The following UNC13B variants were observed in gnomAD, a reference collection of about 807,000 sequenced individuals.
UNC13B encodes protein unc-13 homolog B.
Under a neutral mutation model 211.0 loss-of-function variants are expected in UNC13B, and 144 were observed. The ratio of observed to expected loss-of-function variants is 0.68; its 90% CI spans 0.60 to 0.78. The LOEUF is 0.78. UNC13B is among the 30% of genes least tolerant of loss of function. UNC13B has a pLI of 0.00. For missense variants in UNC13B, 1,777 were observed against 2,002.0 expected, an observed-to-expected ratio of 0.89 and a Z score of 2.14; for synonymous variants, 709 against 725.8, an observed-to-expected ratio of 0.98 and a Z score of 0.37.
intron 25 of UNC13B, 118 bp from the exon 26 acceptor site, chr9:35,390,511 C>G (rs1178182968): frequency 4.8e-5 from 55 of 1,148,388 alleles, no homozygotes; most frequent in Admixed American, 2.6e-4. Context: ...TAGCCCTGTT[C>G]CCTAAGCATC....
chr9:35,342,017 T>A (rs1832027828), intron 11 of UNC13B: 1 of 985,482 alleles, frequency 1.0e-6, no homozygotes, highest in Non-Finnish European at 1.2e-6. Flanking sequence ...CCAGGTTAGA[T>A]TTCTACGTTT....
At position 35,385,359 on chromosome 9, in the gene UNC13B, T is replaced by A. The variant is rs1296813574; in HGVS notation, c.10876-365T>A. The A allele has an allele frequency of 3.0e-6, 3 of 985,346 alleles. No homozygotes were observed. In the African/African-American group the frequency reaches 5.2e-5, roughly 17 times the overall value. The allele number at this position is 985,346 out of a possible 1,614,324, so 61.0% of individuals were successfully genotyped here. On this transcript the variant is annotated intron_variant, in intron 22 of 39. Transcript: ENST00000635942. ...TATTCCAGGATATACAGTTAGATTG[T>A]AATTTTCGAAGAACTCACTGTTGGT...
intron 1 of UNC13B, among the ~76,000 whole-genome samples, chr9:35,192,342 CCCTTTTT>C (rs1279787228): frequency 3.3e-5 from 5 of 152,176 alleles, no homozygotes; most frequent in Non-Finnish European, 7.3e-5. Context: ...TTTCTCTTTT[CCCTTTTT>C]GCTTATTATA....
intron 6 of UNC13B, among the ~76,000 whole-genome samples, chr9:35,253,371 T>C (rs1826628831): frequency 1.3e-5 from 2 of 152,148 alleles, no homozygotes; most frequent in Admixed American, 6.6e-5. Flanking sequence ...TTCTTTTTGA[T>C]ACTAAAATGA....
chr9:35,303,789 A>T lies in UNC13B; in HGVS notation c.4385A>T (p.Asn1462Ile). 5.0e-6 allele frequency: 2 copies of T among 398,798 alleles called. No homozygotes were observed. Among genetic ancestry groups the T allele is most frequent in the East Asian group, 7.1e-5 (2 of 28,062 alleles). 24.7% of individuals were successfully genotyped at this position (398,798 alleles called of 1,614,324 possible). A position where few individuals can be genotyped will look rare whatever the true frequency, so the allele number is the denominator to read the frequency against. Residue 1462 changes from asparagine (N) to isoleucine (I), a missense_variant, in exon 9 of 40, where the codon AAT becomes ATT. By Grantham distance (149) the Asn-to-Ile change is moderately radical. Coordinates refer to ENST00000635942, the MANE Select transcript of UNC13B (RefSeq NM_001371189.2). ...GGAAACTCTGGTCCTCTTCCAATTA[A>T]TGAGGCTAATAATTCACTAGAAGAA... ...LYGNSGPLPI[N>I]EANNSLEELP... is the part of the protein sequence containing the mutation.
intron 7 of UNC13B, among the ~76,000 whole-genome samples, chr9:35,278,939 T>C (rs1344439066): frequency 1.3e-5 from 2 of 152,116 alleles, no homozygotes; most frequent in East Asian, 3.9e-4. Flanking sequence ...CCCCCATGAA[T>C]GGTAGTATGC....
Position 35,396,902 on chromosome 9 carries a change from C to A in UNC13B, c.11497C>A (p.Leu3833Met). The A allele has an allele frequency of 6.2e-7, 1 of 1,614,092 alleles. No individual in the cohort carries two copies. The highest frequency in any genetic ancestry group is 8.5e-7 in the Non-Finnish European group (1 of 1,180,014). The change falls in exon 28 of 40, where the codon CTG (leucine) becomes ATG (methionine). Residue 3833 changes from leucine to methionine, a missense_variant. Leu to Met is a conservative substitution (Grantham distance 15). Coordinates refer to ENST00000635942, the MANE Select transcript of UNC13B (RefSeq NM_001371189.2). Reference protein sequence around the residue: ...DENEDVSLEFLRGALERDKKD... With the variant: ...DENEDVSLEFMRGALERDKKD... ...GAATGAGGATGTATCCCTGGAATTC[C>A]TGCGTGGGGCCCTGGAACGAGATAA... is the stretch of plus-strand genomic sequence containing the variant.
At position 35,404,165 on chromosome 9, in the gene UNC13B, A is replaced by G. The variant is rs1444645361; in HGVS notation, c.*132A>G. 1 of 1,276,452 alleles carries G rather than the reference A, an allele frequency of 7.8e-7. No individual in the cohort carries two copies. The highest frequency in any genetic ancestry group is 1.5e-5 in the African/African-American group (1 of 66,698). 79.1% of individuals were successfully genotyped at this position (1,276,452 alleles called of 1,614,324 possible). On this transcript the variant is annotated 3_prime_UTR_variant, in exon 40 of 40. Transcript: ENST00000635942. Reference sequence around the variant, plus strand: ...CCCTTCAGTTAAAGATATTTAAGGAAAAATTTGGGGTGGTGATAATATGGC... The same window carrying G: ...CCCTTCAGTTAAAGATATTTAAGGAGAAATTTGGGGTGGTGATAATATGGC...
intron 24 of UNC13B, 30 bp from the exon 25 acceptor site, chr9:35,389,816 C>T: frequency 3.1e-6 from 5 of 1,609,770 alleles, no homozygotes; most frequent in Non-Finnish European, 4.2e-6. Context: ...ACTCTTTCTC[C>T]CTCTCTCTCA....
chr9:35,349,137 C>CA (rs1832556793), intron 11 of UNC13B, among the ~76,000 whole-genome samples: 1 of 152,034 alleles, frequency 6.6e-6, no homozygotes, highest in Non-Finnish European at 1.5e-5. Flanking sequence ...AGGCTGGTCT[C>CA]AAACTCCTGA....
At chr9:35,275,315 T>A (rs1161745441) in intron 7 of UNC13B, among the ~76,000 whole-genome samples, 3 of 152,238 alleles carry the variant, frequency 2.0e-5, no homozygotes, top group African/African-American at 7.2e-5. Flanking sequence ...TATGTGCTTT[T>A]CTTACGTGGC....
intron 1 of UNC13B, among the ~76,000 whole-genome samples, chr9:35,183,772 C>T (rs1228337732): frequency 1.6e-5 from 2 of 126,498 alleles, no homozygotes; most frequent in South Asian, 2.7e-4. Context: ...AGACGATGGG[C>T]GGCCAGGCAG....
At chr9:35,220,406 C>T (rs952612965) in intron 1 of UNC13B, among the ~76,000 whole-genome samples, 1 of 149,208 alleles carries the variant, frequency 6.7e-6, no homozygotes, top group Non-Finnish European at 1.5e-5. Flanking sequence ...ATTTTTATAC[C>T]CATTAATCAT....
chr9:35,391,870 T>G (rs1835556941), intron 26 of UNC13B, among the ~76,000 whole-genome samples: 2 of 152,194 alleles, frequency 1.3e-5, no homozygotes, highest in Non-Finnish European at 2.9e-5. Context: ...CCAGGCCTCT[T>G]GCATGATGAC....
chr9:35,399,571 C>T, intron 35 of UNC13B, 78 bp from the exon 36 acceptor site: 1 of 1,596,824 alleles, frequency 6.3e-7, no homozygotes, highest in Non-Finnish European at 8.6e-7. Context: ...GATGAATATG[C>T]ACTGGGGGCT....
At chr9:35,351,280 T>C in intron 11 of UNC13B, 1 of 1,179,610 alleles carries the variant, frequency 8.5e-7, no homozygotes, top group Non-Finnish European at 1.0e-6. Context: ...TGCACTATTT[T>C]CCTTTTTCAC....
intron 30 of UNC13B, 145 bp downstream of exon 30, chr9:35,397,857 A>G: frequency 1.2e-6 from 1 of 809,096 alleles, no homozygotes; most frequent in Non-Finnish European, 2.0e-6. Flanking sequence ...TCCATGCCAC[A>G]AAATTACGAG....
At chr9:35,166,702 A>G (rs182616659) in intron 1 of UNC13B, among the ~76,000 whole-genome samples, 1 of 152,324 alleles carries the variant, frequency 6.6e-6, no homozygotes, top group Admixed American at 6.5e-5. Flanking sequence ...TGATAAATAT[A>G]CAGATAAGAA....
chr9:35,260,846 T>A (rs959463178), intron 7 of UNC13B, among the ~76,000 whole-genome samples: 4 of 152,164 alleles, frequency 2.6e-5, no homozygotes, highest in Non-Finnish European at 5.9e-5. Flanking sequence ...CGACTGCTAA[T>A]GAGAAGCAAA....
Sources: gnomAD v4.1 joint callset for allele counts (sites outside exome capture counted in the v4.1 genomes callset) on GRCh38, gnomAD v4.1.1 for gene constraint, MANE v1.5 for transcripts, NCBI Gene and HGNC (gene_info 2026-07-23, HGNC 2026-07-21) for gene names.